CTNNA2: variants seen among roughly 807,000 people sequenced by gnomAD.
The protein encoded by CTNNA2 is catenin alpha-2.
A neutral mutation model predicts 101.0 loss-of-function variants in CTNNA2; 42 were observed. The observed-to-expected ratio is 0.42, with a 90% CI of 0.32 to 0.54. The LOEUF (loss-of-function observed/expected upper bound fraction) is 0.54. Ranked by LOEUF, CTNNA2 falls within the 20% of genes least tolerant of loss-of-function variation. The pLI is 0.14. For synonymous variants in CTNNA2, 450 were observed against 456.4 expected, an observed-to-expected ratio of 0.99 and a Z score of 0.18; for missense variants, 871 against 1,223.1, an observed-to-expected ratio of 0.71 and a Z score of 4.29.
rs568331204 is a variant in CTNNA2 at position 79,607,453 on chromosome 2, A to AT, written c.-5-44094dup. On this transcript the variant is annotated intron_variant, in intron 1 of 18. Coordinates refer to ENST00000402739, the MANE Select transcript of CTNNA2 (RefSeq NM_001282597.3). The stretch of plus-strand genomic sequence containing the variant: ...CACTCAATAACTGCAGAATACATAC[A>AT]TTTTTCCAAATACAAACAGGTAATT... Among the ~76,000 whole-genome samples the AT allele has an allele frequency of 4.4e-3, 675 of 152,244 alleles. 5 individuals carry two copies. Among genetic ancestry groups the AT allele is most frequent in the African/African-American group, 0.016 (644 of 41,548 alleles).
intron 7 of CTNNA2, among the ~76,000 whole-genome samples, chr2:80,211,828 T>G (rs968352126): frequency 6.6e-6 from 1 of 152,348 alleles, no homozygotes; most frequent in East Asian, 1.9e-4. Flanking sequence ...ATTTTCACAA[T>G]ATTGATTCTT....
At chr2:79,630,197 C>CA (rs148423825) in intron 1 of CTNNA2, among the ~76,000 whole-genome samples, 8,854 of 152,242 alleles carry the variant, frequency 0.058, 746 homozygotes, top group African/African-American at 0.18. Flanking sequence ...TTCACTCACC[C>CA]AGGTGCTTCC....
At chr2:79,863,691 G>A (rs185267325) in intron 4 of CTNNA2, among the ~76,000 whole-genome samples, 2 of 152,348 alleles carry the variant, frequency 1.3e-5, no homozygotes, top group East Asian at 1.9e-4. Context: ...GCAGATATGA[G>A]GAGAAGCTGC....
chr2:79,311,503 T>A (rs72917270), intron 2 of CTNNA2, among the ~76,000 whole-genome samples: 5,435 of 151,664 alleles, frequency 0.036, 354 homozygotes, highest in African/African-American at 0.13. Flanking sequence ...TCACTATTGG[T>A]CAGAATGTGA....
chr2:79,373,790 C>A (rs1475253768), intron 3 of CTNNA2: 1 of 152,126 alleles, frequency 6.6e-6, no homozygotes, highest in East Asian at 1.9e-4. Context: ...TTAATTCTCA[C>A]AATAACCTGT....
intron 7 of CTNNA2, among the ~76,000 whole-genome samples, chr2:79,975,026 TG>T (rs1690736332): frequency 6.6e-6 from 1 of 152,136 alleles, no homozygotes; most frequent in Non-Finnish European, 1.5e-5. Flanking sequence ...AAGAGGCTGG[TG>T]AGCTTGGAAC....
chr2:79,718,883 G>GT (rs1686289772), intron 2 of CTNNA2, among the ~76,000 whole-genome samples: 2 of 151,394 alleles, frequency 1.3e-5, no homozygotes, highest in African/African-American at 4.9e-5. Context: ...AATAAGGACA[G>GT]TTAAATACCT....
At chr2:79,844,854 C>G (rs1001523108) in intron 3 of CTNNA2, among the ~76,000 whole-genome samples, 42 of 151,966 alleles carry the variant, frequency 2.8e-4, no homozygotes, top group African/African-American at 9.9e-4. Flanking sequence ...CATCTATACT[C>G]TTTGTCTTTT....
chr2:79,923,463 G>C (rs977391870), intron 7 of CTNNA2, among the ~76,000 whole-genome samples: 8 of 151,990 alleles, frequency 5.3e-5, no homozygotes, highest in African/African-American at 1.7e-4. Flanking sequence ...AAATTGACAA[G>C]TAATAATTGT....
chr2:79,575,872 C>G (rs1157498746), intron 1 of CTNNA2, among the ~76,000 whole-genome samples: 1 of 152,134 alleles, frequency 6.6e-6, no homozygotes, highest in East Asian at 1.9e-4. Context: ...ATGAAGAAGC[C>G]TGGCCAAGTT....
intron 4 of CTNNA2, among the ~76,000 whole-genome samples, chr2:79,498,561 G>A (rs1348296657): frequency 2.6e-5 from 4 of 151,854 alleles, no homozygotes; most frequent in Non-Finnish European, 4.4e-5. Flanking sequence ...ACCTTGATTG[G>A]CACCTTTATC....
At chr2:79,245,732 A>G (rs947044164) in intron 2 of CTNNA2, among the ~76,000 whole-genome samples, 2 of 152,228 alleles carry the variant, frequency 1.3e-5, no homozygotes, top group African/African-American at 2.4e-5. Flanking sequence ...TTGGACTTAT[A>G]TTCTAAGAGA....
chr2:79,687,326 A>G (rs1247859452), intron 2 of CTNNA2, among the ~76,000 whole-genome samples: 1 of 152,140 alleles, frequency 6.6e-6, no homozygotes, highest in African/African-American at 2.4e-5. Context: ...TAAGGAGCAC[A>G]GTAGCCTCCA....
intron 7 of CTNNA2, among the ~76,000 whole-genome samples, chr2:80,231,872 A>G (rs1709233779): frequency 6.6e-6 from 1 of 152,090 alleles, no homozygotes; most frequent in Admixed American, 6.6e-5. Context: ...TTTTTTTTCC[A>G]GAGAGTCTGG....
intron 4 of CTNNA2, among the ~76,000 whole-genome samples, chr2:79,864,011 G>A (rs1681836308): frequency 1.3e-5 from 2 of 152,178 alleles, no homozygotes; most frequent in African/African-American, 2.4e-5. Context: ...GAGCACACCA[G>A]AACCAGGAAC....
intron 1 of CTNNA2, among the ~76,000 whole-genome samples, chr2:79,197,311 G>A (rs76442837): frequency 0.031 from 4,795 of 152,304 alleles, 110 homozygotes; most frequent in Middle Eastern, 0.055. Context: ...AAAGTGGTAA[G>A]GGGAAGCTGG....
At chr2:80,534,974 T>C (rs1690877015) in intron 9 of CTNNA2, among the ~76,000 whole-genome samples, 1 of 152,202 alleles carries the variant, frequency 6.6e-6, no homozygotes, top group African/African-American at 2.4e-5. Flanking sequence ...GGAATCTTAT[T>C]CAATAATTAA....
At chr2:80,349,981 G>C (rs1365351823) in intron 7 of CTNNA2, among the ~76,000 whole-genome samples, 1 of 152,262 alleles carries the variant, frequency 6.6e-6, no homozygotes, top group South Asian at 2.1e-4. Context: ...ATTTATGAAA[G>C]ATTTTCTAAA....
At chr2:79,560,613 A>G (rs1347024283) in intron 1 of CTNNA2, among the ~76,000 whole-genome samples, 1 of 151,910 alleles carries the variant, frequency 6.6e-6, no homozygotes, top group African/African-American at 2.4e-5. Flanking sequence ...GCAAAAGAGG[A>G]TGGATATTAG....
Sources: allele counts gnomAD v4.1 joint callset (sites outside exome capture counted in the v4.1 genomes callset), GRCh38; gene constraint gnomAD v4.1.1; transcripts MANE v1.5; gene names NCBI Gene and HGNC (gene_info 2026-07-23, HGNC 2026-07-21).